ZBTB20: variants seen among roughly 807,000 people sequenced by gnomAD.
The protein encoded by ZBTB20 is zinc finger and BTB domain-containing protein 20.
A neutral mutation model predicts 56.9 loss-of-function variants in ZBTB20; 9 were observed. The ratio of observed to expected loss-of-function variants is 0.16; its 90% CI spans 0.10 to 0.28. The LOEUF (loss-of-function observed/expected upper bound fraction) is 0.28. ZBTB20 is among the 10% of genes least tolerant of loss of function. The pLI is 1.00. For synonymous variants in ZBTB20, 417 were observed against 420.7 expected, an observed-to-expected ratio of 0.99 and a Z score of 0.11; for missense variants, 655 against 1,003.0, an observed-to-expected ratio of 0.65 and a Z score of 4.69.
chr3:114,750,666 A>G (rs550610193), intron 5 of ZBTB20, among the ~76,000 whole-genome samples: 1 of 152,274 alleles, frequency 6.6e-6, no homozygotes, highest in Non-Finnish European at 1.5e-5. Flanking sequence ...TTCACGTCCC[A>G]CTGTTTGTGA....
At chr3:114,724,060 A>G (rs2065102820) in intron 5 of ZBTB20, among the ~76,000 whole-genome samples, 1 of 151,562 alleles carries the variant, frequency 6.6e-6, no homozygotes, top group South Asian at 2.1e-4. Flanking sequence ...TTTTTAGTAG[A>G]GACGGGGTTT....
At chr3:114,962,239 G>A (rs958524178) in intron 3 of ZBTB20, among the ~76,000 whole-genome samples, 2 of 152,002 alleles carry the variant, frequency 1.3e-5, no homozygotes, top group Non-Finnish European at 2.9e-5. Context: ...CTAAAATCTA[G>A]GTAAGAGCCT....
At chr3:114,922,947 A>C (rs989110001) in intron 3 of ZBTB20, among the ~76,000 whole-genome samples, 4 of 152,208 alleles carry the variant, frequency 2.6e-5, no homozygotes, top group Non-Finnish European at 5.9e-5. Context: ...TTGTGGGGAC[A>C]GATATCCAAA....
intron 7 of ZBTB20, among the ~76,000 whole-genome samples, chr3:114,490,239 T>A (rs1039363746): frequency 6.6e-5 from 10 of 152,176 alleles, no homozygotes; most frequent in Admixed American, 6.5e-4. Flanking sequence ...ATTGATTTTT[T>A]GAGATGGAGT....
chr3:114,960,877 A>G (rs1005490359), intron 3 of ZBTB20, among the ~76,000 whole-genome samples: 5 of 152,136 alleles, frequency 3.3e-5, no homozygotes, highest in African/African-American at 1.2e-4. Flanking sequence ...GACAAGGAGC[A>G]TAGGAAGAAA....
chr3:114,728,195 T>A (rs753753971), intron 5 of ZBTB20, among the ~76,000 whole-genome samples: 12 of 152,282 alleles, frequency 7.9e-5, no homozygotes, highest in East Asian at 5.8e-4. Flanking sequence ...TAGTTAAGCA[T>A]CCCCATCCAC....
At position 114,738,131 on chromosome 3, in the gene ZBTB20, T is replaced by A. The variant is rs1185782423; in HGVS notation, c.-342-44556A>T. On this transcript the variant is annotated intron_variant, in intron 5 of 11. Transcript: ENST00000675478. ...GCTTTCCTTTTATGCTACTATTCTC[T>A]AAATAACTTCTTTATTTGCTATGAT... Among the ~76,000 whole-genome samples the A allele has an allele frequency of 3.9e-5, 6 of 152,242 alleles. No individual in the cohort carries two copies. In the East Asian group the frequency reaches 1.2e-3, roughly 29 times the overall value.
intron 1 of ZBTB20, among the ~76,000 whole-genome samples, chr3:115,109,991 C>T (rs563665119): frequency 7.9e-5 from 12 of 152,248 alleles, no homozygotes; most frequent in African/African-American, 2.9e-4. Flanking sequence ...GGGCAGATCA[C>T]CTGAGGTCAA....
chr3:114,673,538 C>T (rs150897796), intron 6 of ZBTB20, among the ~76,000 whole-genome samples: 1 of 152,220 alleles, frequency 6.6e-6, no homozygotes, highest in African/African-American at 2.4e-5. Flanking sequence ...TTTACATCAT[C>T]ATATCTCAAA....
chr3:114,956,925 TC>T (rs1453252008), intron 3 of ZBTB20, among the ~76,000 whole-genome samples: 1 of 152,160 alleles, frequency 6.6e-6, no homozygotes, highest in African/African-American at 2.4e-5. Context: ...TGTACACTGT[TC>T]CAGCAACATA....
intron 4 of ZBTB20, among the ~76,000 whole-genome samples, chr3:114,871,029 G>C (rs2075984239): frequency 6.9e-6 from 1 of 145,856 alleles, no homozygotes; most frequent in African/African-American, 2.5e-5. Context: ...GGCATGAAGA[G>C]AGTTCTTAGA....
At chr3:114,423,272 A>T (rs2089351053) in intron 7 of ZBTB20, among the ~76,000 whole-genome samples, 1 of 152,174 alleles carries the variant, frequency 6.6e-6, no homozygotes, top group African/African-American at 2.4e-5. Context: ...TTAGTCTGTA[A>T]GGAGTTTATA....
chr3:114,686,700 T>G (rs550028953), intron 6 of ZBTB20, among the ~76,000 whole-genome samples: 1 of 152,262 alleles, frequency 6.6e-6, no homozygotes, highest in African/African-American at 2.4e-5. Context: ...GTCATCTGAA[T>G]CCTCGAAAAA....
intron 6 of ZBTB20, among the ~76,000 whole-genome samples, chr3:114,530,664 C>T (rs1197958873): frequency 5.9e-5 from 9 of 152,172 alleles, no homozygotes; most frequent in Non-Finnish European, 4.4e-5. Flanking sequence ...GGGTTTTTAA[C>T]ATCATTACCA....
chr3:114,949,965 A>T (rs769440635), intron 3 of ZBTB20, among the ~76,000 whole-genome samples: 2 of 152,166 alleles, frequency 1.3e-5, no homozygotes, highest in Non-Finnish European at 2.9e-5. Context: ...ACAAAAGAGG[A>T]TACCCAAGTG....
chr3:114,946,628 TC>T (rs2076896518), intron 3 of ZBTB20, among the ~76,000 whole-genome samples: 2 of 144,806 alleles, frequency 1.4e-5, no homozygotes, highest in Non-Finnish European at 3.0e-5. Flanking sequence ...AACATATAAA[TC>T]CCCTGAAAAA....
At chr3:114,615,965 C>T (rs1256498302) in intron 6 of ZBTB20, among the ~76,000 whole-genome samples, 1 of 152,166 alleles carries the variant, frequency 6.6e-6, no homozygotes, top group Non-Finnish European at 1.5e-5. Flanking sequence ...ATGCAATGTA[C>T]ACGGCCAGGA....
At chr3:114,499,489 A>G (rs1033053357) in intron 7 of ZBTB20, among the ~76,000 whole-genome samples, 12 of 152,378 alleles carry the variant, frequency 7.9e-5, no homozygotes, top group African/African-American at 1.9e-4. Flanking sequence ...AATAAGGAAC[A>G]GAGCTCACCA....
At chr3:114,408,663 CA>C (rs1340019317) in intron 7 of ZBTB20, among the ~76,000 whole-genome samples, 1 of 152,108 alleles carries the variant, frequency 6.6e-6, no homozygotes, top group Non-Finnish European at 1.5e-5. Context: ...CACAAGTAGA[CA>C]TTTCCTTTGT....
Sources: gnomAD v4.1 joint callset for allele counts (sites outside exome capture counted in the v4.1 genomes callset) on GRCh38, gnomAD v4.1.1 for gene constraint, MANE v1.5 for transcripts, NCBI Gene and HGNC (gene_info 2026-07-23, HGNC 2026-07-21) for gene names.